DOCK4: variants seen among roughly 807,000 people sequenced by gnomAD.
DOCK4 encodes the protein dedicator of cytokinesis protein 4.
DOCK4 carries 97 observed loss-of-function variants against 268.1 expected under a neutral mutation model. The ratio of observed to expected loss-of-function variants is 0.36; its 90% CI spans 0.31 to 0.43. DOCK4 has a LOEUF of 0.43. Ranked by LOEUF, DOCK4 falls within the 20% of genes least tolerant of loss-of-function variation. The pLI is 1.00. For synonymous variants in DOCK4, 954 were observed against 887.2 expected (o/e 1.08, Z -1.34); for missense variants, 2,145 against 2,455.7 (o/e 0.87, Z 2.67).
intron 1 of DOCK4, among the ~76,000 whole-genome samples, chr7:112,039,469 T>TTTG (rs1443521112): frequency 6.6e-6 from 1 of 152,100 alleles, no homozygotes; most frequent in African/African-American, 2.4e-5. Context: ...CTTCTGTTTT[T>TTTG]TTGTTGTTGC....
At chr7:111,887,645 T>C (rs971342223) in intron 16 of DOCK4, among the ~76,000 whole-genome samples, 6 of 152,004 alleles carry the variant, frequency 3.9e-5, no homozygotes, top group African/African-American at 7.3e-5. Flanking sequence ...GGGGAAAAAC[T>C]TCAGTTGAGC....
intron 1 of DOCK4, among the ~76,000 whole-genome samples, chr7:112,040,892 A>T (rs1026088938): frequency 9.9e-5 from 15 of 152,268 alleles, no homozygotes; most frequent in African/African-American, 3.6e-4. Flanking sequence ...TTAAAATGTC[A>T]AAATACATGC....
chr7:112,067,834 A>G (rs1162662052), intron 1 of DOCK4, among the ~76,000 whole-genome samples: 1 of 152,218 alleles, frequency 6.6e-6, no homozygotes, highest in East Asian at 1.9e-4. Context: ...ATGGAAAACT[A>G]CAGCAGACAT....
At chr7:112,128,965 T>C (rs1406381875) in intron 1 of DOCK4, among the ~76,000 whole-genome samples, 1 of 152,024 alleles carries the variant, frequency 6.6e-6, no homozygotes, top group Admixed American at 6.5e-5. Flanking sequence ...AAATGTAGAA[T>C]AGATAGTCAC....
intron 8 of DOCK4, among the ~76,000 whole-genome samples, chr7:111,969,483 T>C (rs1797526762): frequency 6.6e-6 from 1 of 151,622 alleles, no homozygotes; most frequent in Admixed American, 6.6e-5. Context: ...GTCACATATG[T>C]CTGAAGAGCA....
intron 1 of DOCK4, among the ~76,000 whole-genome samples, chr7:112,102,060 G>A (rs994586509): frequency 6.6e-6 from 1 of 151,994 alleles, no homozygotes; most frequent in African/African-American, 2.4e-5. Context: ...TCGGTTCTGA[G>A]ACCTTTTCTA....
At chr7:112,025,413 A>G (rs1001779885) in intron 1 of DOCK4, among the ~76,000 whole-genome samples, 1 of 152,158 alleles carries the variant, frequency 6.6e-6, no homozygotes, top group African/African-American at 2.4e-5. Context: ...CATCTGAGCT[A>G]TTTTAGCAGT....
At chr7:112,080,534 A>G (rs1249481608) in intron 1 of DOCK4, among the ~76,000 whole-genome samples, 4 of 152,176 alleles carry the variant, frequency 2.6e-5, no homozygotes. Context: ...CTTTCCTGAC[A>G]CGTCATTTAG....
intron 1 of DOCK4, among the ~76,000 whole-genome samples, chr7:112,012,979 A>G (rs1051448785): frequency 6.6e-6 from 1 of 152,166 alleles, no homozygotes; most frequent in African/African-American, 2.4e-5. Flanking sequence ...CAGTATCATG[A>G]AAGTCACGAA....
intron 1 of DOCK4, among the ~76,000 whole-genome samples, chr7:112,174,931 C>A (rs1818372478): frequency 6.8e-6 from 1 of 146,632 alleles, no homozygotes; most frequent in Non-Finnish European, 1.5e-5. Context: ...ACTGTGTTTC[C>A]CCTGGAACTT....
intron 42 of DOCK4, among the ~76,000 whole-genome samples, chr7:111,754,044 G>A (rs1209882371): frequency 6.6e-6 from 1 of 152,220 alleles, no homozygotes; most frequent in African/African-American, 2.4e-5. Context: ...TTAATGCTCT[G>A]GGTAGTAAGT....
intron 4 of DOCK4, among the ~76,000 whole-genome samples, chr7:111,997,785 A>G (rs2135275484): frequency 6.6e-6 from 1 of 152,316 alleles, no homozygotes; most frequent in East Asian, 1.9e-4. Flanking sequence ...ATGGCCCCTT[A>G]TGATGAATGA....
At position 111,944,830 on chromosome 7, in the gene DOCK4, G is replaced by A. The variant is rs779442359; in HGVS notation, c.825C>T (p.Thr275=). 1.7e-5 allele frequency: 28 copies of A among 1,613,764 alleles called. No homozygotes were observed. Among genetic ancestry groups the A allele is most frequent in the East Asian group, 2.2e-5 (1 of 44,872 alleles). Residue 275 remains threonine (T), a synonymous_variant, in exon 10 of 53, where the codon ACC becomes ACT. Coordinates refer to ENST00000428084, the MANE Select transcript of DOCK4 (RefSeq NM_001363540.2). ...SSELRKDIYI[T]VHIIRIGRMG... is the part of the protein sequence containing the mutation. ...ACCTACCGATTCGGATAATGTGCACGGTGATATAAATGTCCTTTCTTAGCT... is the reference window on the plus strand; with the variant it reads ...ACCTACCGATTCGGATAATGTGCACAGTGATATAAATGTCCTTTCTTAGCT...
intron 27 of DOCK4, chr7:111,820,656 A>C (rs1021888753): frequency 2.0e-5 from 3 of 152,198 alleles, no homozygotes; most frequent in African/African-American, 7.2e-5. Context: ...TGGTTGTTAC[A>C]ATTTTAGGCA....
chr7:111,956,113 A>G (rs935720538), intron 8 of DOCK4, among the ~76,000 whole-genome samples: 1 of 152,186 alleles, frequency 6.6e-6, no homozygotes, highest in Non-Finnish European at 1.5e-5. Flanking sequence ...CTGGGAATTT[A>G]TATCATTTGA....
At chr7:111,800,973 A>T (rs1800234048) in intron 30 of DOCK4, among the ~76,000 whole-genome samples, 1 of 152,228 alleles carries the variant, frequency 6.6e-6, no homozygotes, top group Non-Finnish European at 1.5e-5. Flanking sequence ...TGCAATAAAA[A>T]GCAACCGCCC....
At chr7:112,098,096 A>G (rs534401504) in intron 1 of DOCK4, among the ~76,000 whole-genome samples, 3 of 152,360 alleles carry the variant, frequency 2.0e-5, no homozygotes, top group African/African-American at 7.2e-5. Flanking sequence ...CTAAAAATGC[A>G]AGGATAATCC....
chr7:111,784,505 A>G, intron 32 of DOCK4: 6 of 475,928 alleles, frequency 1.3e-5, no homozygotes, highest in South Asian at 9.3e-5. Context: ...TTGCCCACTC[A>G]ATACATATTG....
chr7:112,200,739 C>CAAAA (rs71689051), intron 1 of DOCK4, among the ~76,000 whole-genome samples: 5 of 129,072 alleles, frequency 3.9e-5, no homozygotes, highest in East Asian at 2.4e-4. Context: ...AAAAAAAAAA[C>CAAAA]AAAAAAAAAC....
Sources: allele counts gnomAD v4.1 joint callset (sites outside exome capture counted in the v4.1 genomes callset), GRCh38; gene constraint gnomAD v4.1.1; transcripts MANE v1.5; gene names NCBI Gene and HGNC (gene_info 2026-07-23, HGNC 2026-07-21).